The following ADK variants were observed in gnomAD, a reference collection of about 807,000 sequenced individuals.
ADK encodes N6,N6-dimethyladenosine kinase.
In ADK, 24 loss-of-function variants were observed where a neutral mutation model predicts 44.7. That is an observed-to-expected ratio of 0.54 (90% CI 0.39 to 0.76). The LOEUF (loss-of-function observed/expected upper bound fraction) is 0.76, where lower values mean the gene tolerates loss of function less well. Ranked by LOEUF, ADK falls within the 30% of genes least tolerant of loss-of-function variation. The pLI is 0.00. For missense variants in ADK, 321 were observed against 425.1 expected, an observed-to-expected ratio of 0.76 and a Z score of 2.15; for synonymous variants, 128 against 142.6, an observed-to-expected ratio of 0.90 and a Z score of 0.73.
intron 7 of ADK, chr10:74,528,299 TA>T (rs111437497): frequency 3.3e-4 from 69 of 211,024 alleles, no homozygotes; most frequent in Middle Eastern, 1.5e-3. Context: ...TTTTAAAACT[TA>T]AAAAAAAAGC....
At chr10:74,412,616 G>A (rs1234172888) in intron 6 of ADK, among the ~76,000 whole-genome samples, 4 of 152,200 alleles carry the variant, frequency 2.6e-5, no homozygotes, top group Non-Finnish European at 5.9e-5. Context: ...CAGAATGAAT[G>A]TTGTTTTAGC....
At position 74,627,799 on chromosome 10, in the gene ADK, A is replaced by AT. The variant is rs377080915; in HGVS notation, c.877+27314dup. Reference sequence around the variant, plus strand: ...AGGTATACATCACCTCACCTGGCTAATTTTTTTTGGTATTGTTAGCAGAGA... The same window carrying AT: ...AGGTATACATCACCTCACCTGGCTAATTTTTTTTTGGTATTGTTAGCAGAGA... On this transcript the variant is annotated intron_variant, in intron 9 of 10. Transcript: ENST00000539909. Among the ~76,000 whole-genome samples, 106 of 151,862 alleles carry AT rather than the reference A, an allele frequency of 7.0e-4. 2 individuals carry two copies. Among genetic ancestry groups the AT allele is most frequent in the African/African-American group, 2.1e-3 (86 of 41,464 alleles).
At chr10:74,570,000 A>T (rs1297284591) in intron 7 of ADK, among the ~76,000 whole-genome samples, 1 of 152,138 alleles carries the variant, frequency 6.6e-6, no homozygotes, top group Non-Finnish European at 1.5e-5. Flanking sequence ...ATGGCTAGCC[A>T]GTTTTCCCAG....
chr10:74,561,943 A>G (rs111615054), intron 7 of ADK, among the ~76,000 whole-genome samples: 34 of 152,242 alleles, frequency 2.2e-4, no homozygotes, highest in Admixed American at 1.3e-4. Flanking sequence ...GACGGTCTAG[A>G]GTTACATTTA....
chr10:74,649,710 G>T (rs1028616384), intron 9 of ADK, among the ~76,000 whole-genome samples: 1 of 151,630 alleles, frequency 6.6e-6, no homozygotes, highest in African/African-American at 2.4e-5. Context: ...TTCAACAATT[G>T]TCTCCATTTC....
chr10:74,548,295 G>A (rs192714342), intron 7 of ADK, among the ~76,000 whole-genome samples: 2 of 151,858 alleles, frequency 1.3e-5, no homozygotes, highest in Admixed American at 1.3e-4. Context: ...AATCTATCAA[G>A]TATTTGTTAA....
intron 7 of ADK, among the ~76,000 whole-genome samples, chr10:74,559,138 G>A (rs1350647600): frequency 1.3e-5 from 2 of 152,164 alleles, no homozygotes; most frequent in Non-Finnish European, 2.9e-5. Context: ...CTGGTGTTGT[G>A]GGGGCCTGCA....
chr10:74,688,971 T>TG (rs1855887366), intron 10 of ADK, among the ~76,000 whole-genome samples: 1 of 150,746 alleles, frequency 6.6e-6, no homozygotes, highest in Non-Finnish European at 1.5e-5. Flanking sequence ...GATGCTGGGC[T>TG]GGGGGGCATG....
chr10:74,311,090 G>C (rs983598985), intron 3 of ADK, among the ~76,000 whole-genome samples: 2 of 152,064 alleles, frequency 1.3e-5, no homozygotes, highest in African/African-American at 4.8e-5. Context: ...AGCCATAATT[G>C]TTCCTAATTT....
At chr10:74,668,397 C>T (rs992894796) in intron 9 of ADK, among the ~76,000 whole-genome samples, 3 of 152,058 alleles carry the variant, frequency 2.0e-5, no homozygotes, top group East Asian at 3.9e-4. Flanking sequence ...AAAATCTTGT[C>T]AACTGCCATA....
At chr10:74,186,191 C>A (rs1025854100) in intron 1 of ADK, among the ~76,000 whole-genome samples, 4 of 95,444 alleles carry the variant, frequency 4.2e-5, no homozygotes. Context: ...CCTTCCCTTT[C>A]CTTCCCTTCC....
chr10:74,194,548 A>C (rs1004300911), intron 1 of ADK, among the ~76,000 whole-genome samples: 1 of 152,226 alleles, frequency 6.6e-6, no homozygotes, highest in Non-Finnish European at 1.5e-5. Flanking sequence ...AGCTAGGTAG[A>C]TTTTAAGTAG....
At chr10:74,359,761 G>A (rs921714398) in intron 4 of ADK, among the ~76,000 whole-genome samples, 10 of 152,066 alleles carry the variant, frequency 6.6e-5, no homozygotes, top group African/African-American at 2.4e-4. Flanking sequence ...TTTAACAACA[G>A]TCTTTCAATT....
At chr10:74,160,034 A>C (rs1287727393) in intron 1 of ADK, among the ~76,000 whole-genome samples, 1 of 152,230 alleles carries the variant, frequency 6.6e-6, no homozygotes, top group Non-Finnish European at 1.5e-5. Flanking sequence ...TCATGAGTCC[A>C]AAGGAAGAGA....
At chr10:74,545,560 G>A (rs1454425412) in intron 7 of ADK, among the ~76,000 whole-genome samples, 1 of 152,124 alleles carries the variant, frequency 6.6e-6, no homozygotes, top group African/African-American at 2.4e-5. Flanking sequence ...CTATCATTTT[G>A]TCTTATATTC....
chr10:74,572,133 G>C (rs1449180202), intron 7 of ADK, among the ~76,000 whole-genome samples: 2 of 152,156 alleles, frequency 1.3e-5, no homozygotes, highest in Non-Finnish European at 2.9e-5. Context: ...ATTTTGCAGT[G>C]GCTGGTACCG....
Position 74,280,081 on chromosome 10 carries a change from C to T in ADK, c.195-34586C>T, listed in dbSNP as rs143015007. On this transcript the variant is annotated intron_variant, in intron 3 of 10. Transcript: ENST00000539909. ...TTTTCTGTAAAATGTCTGTTCATAT[C>T]GTCTCTACCACACTTATTTTTTTGG... Among the ~76,000 whole-genome samples the T allele has an allele frequency of 2.2e-3, 337 of 152,200 alleles. 1 individual carries two copies. Among genetic ancestry groups the T allele is most frequent in the African/African-American group, 7.7e-3 (319 of 41,536 alleles).
Position 74,488,374 on chromosome 10 carries a change from CGTGTGT to C in ADK, c.556-36855_556-36850del, listed in dbSNP as rs60178427. On this transcript the variant is annotated intron_variant, in intron 6 of 10. Transcript: ENST00000539909. ...TCCAGTGGTTTGAGGGGAAAAAAGA[CGTGTGT>C]GTGTGTGTGTGTGTGTGTGTGTGTG... 1.8e-4 allele frequency among the ~76,000 whole-genome samples: 25 copies of C among 140,866 alleles called. No homozygotes were observed. In the South Asian group the frequency reaches 1.8e-3, roughly 10 times the overall value. 92.4% of individuals were successfully genotyped at this position (140,866 alleles called of 152,430 possible). A position where few individuals can be genotyped will look rare whatever the true frequency, so the allele number is the denominator to read the frequency against.
rs113722816 is a variant in ADK, at chr10:74,285,596, G to A, written c.195-29071G>A. Among the ~76,000 whole-genome samples, 803 of 152,230 alleles carry A rather than the reference G, an allele frequency of 5.3e-3. 12 individuals carry two copies. The highest frequency in any genetic ancestry group is 0.018 in the African/African-American group (729 of 41,554). ...CTAAGGAGGCTGAGGTGGGAGGATC[G>A]CCTGAGCCTGGGAGATCAAGGCTCC... On this transcript the variant is annotated intron_variant, in intron 3 of 10. Transcript: ENST00000539909.
Sources: allele counts gnomAD v4.1 joint callset (sites outside exome capture counted in the v4.1 genomes callset), GRCh38; gene constraint gnomAD v4.1.1; transcripts MANE v1.5; gene names NCBI Gene and HGNC (gene_info 2026-07-23, HGNC 2026-07-21).